The following MAP2K4 variants were observed in gnomAD, a reference collection of about 807,000 sequenced individuals.
MAP2K4 encodes mitogen-activated protein kinase kinase 4.
Under a neutral mutation model 48.5 loss-of-function variants are expected in MAP2K4, and 4 were observed. The observed-to-expected ratio is 0.08, with a 90% CI of 0.04 to 0.19. MAP2K4 has a LOEUF of 0.19. Ranked by LOEUF, MAP2K4 falls within the 10% of genes least tolerant of loss-of-function variation. MAP2K4 has a pLI of 1.00. For synonymous variants in MAP2K4, 166 were observed against 173.1 expected (o/e 0.96, Z 0.32); for missense variants, 258 against 493.3 (o/e 0.52, Z 4.52).
chr17:12,093,979 A>C (rs987786554), intron 3 of MAP2K4, among the ~76,000 whole-genome samples: 3 of 152,226 alleles, frequency 2.0e-5, no homozygotes, highest in Non-Finnish European at 4.4e-5. Flanking sequence ...ACTTTTAAAA[A>C]TATCCTTTTT....
intron 2 of MAP2K4, among the ~76,000 whole-genome samples, chr17:12,078,241 G>A (rs546355291): frequency 6.6e-6 from 1 of 152,170 alleles, no homozygotes; most frequent in Admixed American, 6.5e-5. Context: ...AGCGGCTGTT[G>A]TCTGAGTTTC....
chr17:12,053,183 CT>C (rs935546924), intron 1 of MAP2K4, among the ~76,000 whole-genome samples: 18 of 150,666 alleles, frequency 1.2e-4, no homozygotes, highest in African/African-American at 3.7e-4. Flanking sequence ...CTAAAAAAAC[CT>C]TTTTTTTTGT....
intron 4 of MAP2K4, among the ~76,000 whole-genome samples, chr17:12,096,221 A>T (rs1971752054): frequency 6.6e-6 from 1 of 152,128 alleles, no homozygotes. Context: ...CAATTACAAT[A>T]TAAATTATTT....
intron 1 of MAP2K4, among the ~76,000 whole-genome samples, chr17:12,039,444 A>G (rs989605535): frequency 1.3e-5 from 2 of 152,314 alleles, no homozygotes; most frequent in Non-Finnish European, 2.9e-5. Context: ...ATGAACCCCC[A>G]TGTACCCATT....
intron 8 of MAP2K4, among the ~76,000 whole-genome samples, chr17:12,127,760 T>C (rs771888384): frequency 2.2e-4 from 33 of 152,218 alleles, no homozygotes; most frequent in Non-Finnish European, 4.1e-4. Context: ...TGAAAAGCAT[T>C]TATAATTTTA....
In MAP2K4 at chr17:12,105,886, C is replaced by G. The variant is rs541004970; in HGVS notation, c.514-1904C>G. Among the ~76,000 whole-genome samples the G allele has an allele frequency of 2.6e-5, 4 of 152,118 alleles. No individual in the cohort carries two copies. In the South Asian group the frequency reaches 8.3e-4, roughly 32 times the overall value. On this transcript the variant is annotated intron_variant, in intron 4 of 10. Coordinates refer to ENST00000353533, the MANE Select transcript of MAP2K4 (RefSeq NM_003010.4). ...CATGTCCATCTTTCTCTTTTATTTG[C>G]CCACATTTCCCTTCCTTCTCCCTTC...
At chr17:12,070,177 G>T (rs979522670) in intron 2 of MAP2K4, among the ~76,000 whole-genome samples, 1 of 151,596 alleles carries the variant, frequency 6.6e-6, no homozygotes, top group South Asian at 2.1e-4. Flanking sequence ...AGGTTCTTAC[G>T]GATAGTGGTT....
chr17:12,124,245 A>G (rs926868460), intron 7 of MAP2K4: 1 of 152,214 alleles, frequency 6.6e-6, no homozygotes, highest in African/African-American at 2.4e-5. Context: ...TCTCAGACTT[A>G]GCGAAGGATC....
intron 9 of MAP2K4, among the ~76,000 whole-genome samples, chr17:12,134,389 C>T (rs1375339116): frequency 6.6e-6 from 1 of 151,980 alleles, no homozygotes; most frequent in Non-Finnish European, 1.5e-5. Context: ...ATTCCAGAAA[C>T]GTTATCTTCA....
At chr17:12,077,652 G>T (rs545538940) in intron 2 of MAP2K4, among the ~76,000 whole-genome samples, 68 of 152,212 alleles carry the variant, frequency 4.5e-4, no homozygotes, top group African/African-American at 1.5e-3. Context: ...TGGAGGAAAA[G>T]AAAAAGAGTC....
Position 12,138,846 on chromosome 17 carries a change from G to A in MAP2K4, c.1041-993G>A, listed in dbSNP as rs567698282. Among the ~76,000 whole-genome samples, 23 of 152,296 alleles carry A rather than the reference G, an allele frequency of 1.5e-4. No individual in the cohort carries two copies. In the South Asian group the frequency reaches 4.6e-3, roughly 30 times the overall value. ...GCCAACTCTGTGTTGACCTGCCTTG[G>A]AATGAGGGTCTTGGATTTTTATTCA... On this transcript the variant is annotated intron_variant, in intron 9 of 10. Coordinates refer to ENST00000353533, the MANE Select transcript of MAP2K4 (RefSeq NM_003010.4).
At chr17:12,028,641 T>C (rs1398652813) in intron 1 of MAP2K4, among the ~76,000 whole-genome samples, 2 of 152,202 alleles carry the variant, frequency 1.3e-5, no homozygotes, top group Non-Finnish European at 2.9e-5. Context: ...TAGCACGGTC[T>C]TATGGGCATG....
At chr17:12,069,244 C>T (rs1239183433) in intron 2 of MAP2K4, among the ~76,000 whole-genome samples, 3 of 152,114 alleles carry the variant, frequency 2.0e-5, no homozygotes, top group Non-Finnish European at 2.9e-5. Context: ...TTTTAGCTGC[C>T]ACTGGAAATT....
chr17:12,113,904 C>G (rs1451200240), intron 7 of MAP2K4, among the ~76,000 whole-genome samples: 2 of 152,094 alleles, frequency 1.3e-5, no homozygotes, highest in East Asian at 3.9e-4. Flanking sequence ...CTCATCTTAC[C>G]CCAGTATATT....
rs28990368 is a variant in MAP2K4, at chr17:12,138,231, A to AGGTTAGGGATGCTGACCCCCTGT, written c.1041-1607_1041-1585dup. Among the ~76,000 whole-genome samples the AGGTTAGGGATGCTGACCCCCTGT allele has an allele frequency of 6.2e-3, 942 of 152,242 alleles. 2 individuals carry two copies. Among genetic ancestry groups the AGGTTAGGGATGCTGACCCCCTGT allele is most frequent in the East Asian group, 0.036 (186 of 5,168 alleles). On this transcript the variant is annotated intron_variant, in intron 9 of 10. Coordinates refer to ENST00000353533, the MANE Select transcript of MAP2K4 (RefSeq NM_003010.4). ...CTGCTTTGATCCTTGAATGGTGTGG[A>AGGTTAGGGATGCTGACCCCCTGT]GGTTAGGGATGCTGACCCCCTGTAC...
chr17:12,113,872 C>G (rs1346645475), intron 7 of MAP2K4, among the ~76,000 whole-genome samples: 1 of 152,128 alleles, frequency 6.6e-6, no homozygotes, highest in African/African-American at 2.4e-5. Flanking sequence ...CAGATGTACA[C>G]TATCCATCCA....
In MAP2K4 at chr17:12,142,262, T is replaced by G. The variant is rs565054493; in HGVS notation, c.*1002T>G. 4.3e-6 allele frequency: 1 copy of G among 233,472 alleles called. No homozygotes were observed. Among genetic ancestry groups the G allele is most frequent in the Non-Finnish European group, 8.5e-6 (1 of 117,948 alleles). The allele number at this position is 233,472 out of a possible 1,614,324, so 14.5% of individuals were successfully genotyped here. A position where few individuals can be genotyped will look rare whatever the true frequency, so the allele number is the denominator to read the frequency against. On this transcript the variant is annotated 3_prime_UTR_variant, in exon 11 of 11. Coordinates refer to ENST00000353533, the MANE Select transcript of MAP2K4 (RefSeq NM_003010.4). ...CAGGGAGAAGTAGCTAGTAGCAATG[T>G]GCCTTGATTGATTAGATAAAGATTT...
chr17:12,069,661 T>A, intron 2 of MAP2K4: 3 of 997,134 alleles, frequency 3.0e-6, no homozygotes, highest in Non-Finnish European at 3.6e-6. Flanking sequence ...TCATCTTAGA[T>A]CACAGCAAAG....
At chr17:12,073,374 A>G (rs944113439) in intron 2 of MAP2K4, among the ~76,000 whole-genome samples, 7 of 152,310 alleles carry the variant, frequency 4.6e-5, no homozygotes, top group South Asian at 4.1e-4. Context: ...GCTGCCCAGT[A>G]TAGACTTAGG....
Sources: gnomAD v4.1 joint callset for allele counts (sites outside exome capture counted in the v4.1 genomes callset) on GRCh38, gnomAD v4.1.1 for gene constraint, MANE v1.5 for transcripts, NCBI Gene and HGNC (gene_info 2026-07-23, HGNC 2026-07-21) for gene names.